Variants in ALK observed in about 807,000 individuals in gnomAD.
ALK encodes the protein ALK tyrosine kinase receptor.
In ALK, 74 loss-of-function variants were observed where a neutral mutation model predicts 163.1. That is an observed-to-expected ratio of 0.45 (90% confidence interval 0.38 to 0.55). The LOEUF is 0.55. Among genes scored for constraint, ALK ranks in the 20% least tolerant of loss-of-function variants. ALK has a pLI of 0.00. For synonymous variants in ALK, 960 were observed against 843.2 expected (o/e 1.14, Z -2.40); for missense variants, 2,063 against 2,105.3 (o/e 0.98, Z 0.39).
At chr2:29,296,166 G>A (rs1666171127) in intron 9 of ALK, among the ~76,000 whole-genome samples, 1 of 152,232 alleles carries the variant, frequency 6.6e-6, no homozygotes, top group African/African-American at 2.4e-5. Context: ...TAAAGGTGAG[G>A]AAACTGAGGC....
intron 4 of ALK, among the ~76,000 whole-genome samples, chr2:29,524,777 T>TA (rs570080798): frequency 8.9e-4 from 135 of 151,480 alleles, no homozygotes; most frequent in Non-Finnish European, 1.6e-3. Context: ...CAATGGATGA[T>TA]AGATGGATTA....
Position 29,268,451 on chromosome 2 carries a change from C to T in ALK, c.2041+6648G>A, listed in dbSNP as rs534049102. On this transcript the variant is annotated intron_variant, in intron 11 of 28. Coordinates refer to ENST00000389048, the MANE Select transcript of ALK (RefSeq NM_004304.5). Reference sequence around the variant, plus strand: ...TGGCTTCATACTGGGCTTATGCAGACGAAGCTTTGGGTAATCATTTTTCAA... The same window carrying T: ...TGGCTTCATACTGGGCTTATGCAGATGAAGCTTTGGGTAATCATTTTTCAA... Among the ~76,000 whole-genome samples the T allele has an allele frequency of 3.5e-4, 53 of 152,266 alleles. No homozygotes were observed. In the South Asian group the frequency reaches 9.3e-3, roughly 27 times the overall value.
intron 3 of ALK, among the ~76,000 whole-genome samples, chr2:29,571,772 G>A (rs777968259): frequency 4.0e-5 from 6 of 151,650 alleles, no homozygotes; most frequent in East Asian, 3.9e-4. Flanking sequence ...GTGCACCACC[G>A]TGCCTAGCTC....
chr2:29,704,458 C>T (rs1448180307), intron 2 of ALK, among the ~76,000 whole-genome samples: 2 of 152,202 alleles, frequency 1.3e-5, no homozygotes, highest in African/African-American at 4.8e-5. Flanking sequence ...TACTAAAATT[C>T]TGTTTCTAAT....
At chr2:29,583,605 G>C (rs986584909) in intron 3 of ALK, among the ~76,000 whole-genome samples, 4 of 150,784 alleles carry the variant, frequency 2.7e-5, no homozygotes, top group African/African-American at 9.7e-5. Flanking sequence ...TCCTGTTCCA[G>C]TTACCATGAG....
At chr2:29,597,595 A>G (rs1347809870) in intron 3 of ALK, among the ~76,000 whole-genome samples, 1 of 152,234 alleles carries the variant, frequency 6.6e-6, no homozygotes, top group East Asian at 1.9e-4. Flanking sequence ...CCTGACAACT[A>G]AGAGGTCTCA....
chr2:29,771,612 G>C (rs899918621), intron 1 of ALK, among the ~76,000 whole-genome samples: 2 of 151,840 alleles, frequency 1.3e-5, no homozygotes, highest in African/African-American at 2.4e-5. Context: ...TCGACTCACT[G>C]TAAGCTCCAC....
chr2:29,909,480 C>CAGACAGAG (rs1553378791), intron 1 of ALK, among the ~76,000 whole-genome samples: 4 of 135,890 alleles, frequency 2.9e-5, no homozygotes, highest in South Asian at 2.6e-4. Flanking sequence ...GACAGACAGA[C>CAGACAGAG]AGAGAGAGAG....
intron 1 of ALK, among the ~76,000 whole-genome samples, chr2:29,757,948 C>T (rs1431994912): frequency 6.6e-6 from 1 of 151,282 alleles, no homozygotes. Flanking sequence ...TCATTCTTTT[C>T]ATGAGGGAAA....
At chr2:29,196,334 C>T (rs1364712970) in intron 28 of ALK, among the ~76,000 whole-genome samples, 1 of 152,216 alleles carries the variant, frequency 6.6e-6, no homozygotes, top group African/African-American at 2.4e-5. Context: ...CTTAATCCTC[C>T]TGACATATAT....
intron 24 of ALK, among the ~76,000 whole-genome samples, chr2:29,211,763 T>C (rs897121368): frequency 8.6e-5 from 9 of 104,782 alleles, no homozygotes; most frequent in African/African-American, 2.5e-4. Context: ...GATGACCAAA[T>C]TGCCCCAGAA....
intron 11 of ALK, 62 bp downstream of exon 11, chr2:29,275,037 T>C (rs2148214878): frequency 6.2e-7 from 1 of 1,607,422 alleles, no homozygotes; most frequent in Non-Finnish European, 8.5e-7. Flanking sequence ...ACAGCACCAA[T>C]CTTTCTTCTG....
chr2:29,203,403 T>G (rs777093598), intron 26 of ALK, among the ~76,000 whole-genome samples: 40 of 139,318 alleles, frequency 2.9e-4, no homozygotes, highest in Non-Finnish European at 5.3e-4. Context: ...ATCTTTTATC[T>G]CTATTATTTT....
At chr2:29,677,214 T>C (rs906018818) in intron 3 of ALK, among the ~76,000 whole-genome samples, 55 of 136,904 alleles carry the variant, frequency 4.0e-4, no homozygotes, top group African/African-American at 1.4e-3. Flanking sequence ...TCCTTCCTCC[T>C]TCCCTCCCTT....
intron 1 of ALK, among the ~76,000 whole-genome samples, chr2:29,860,621 A>G (rs1394934856): frequency 6.6e-6 from 1 of 152,198 alleles, no homozygotes; most frequent in African/African-American, 2.4e-5. Context: ...AGGATAGATC[A>G]TATGCTATGC....
At chr2:29,235,598 G>A (rs758241321) in intron 13 of ALK, among the ~76,000 whole-genome samples, 8 of 152,132 alleles carry the variant, frequency 5.3e-5, no homozygotes, top group Non-Finnish European at 7.3e-5. Flanking sequence ...TGGCACAGGC[G>A]TGAGTTGCAG....
At chr2:29,647,781 T>TTC (rs1485633691) in intron 3 of ALK, among the ~76,000 whole-genome samples, 3 of 147,568 alleles carry the variant, frequency 2.0e-5, no homozygotes, top group Non-Finnish European at 3.0e-5. Flanking sequence ...TTTTCTTTTT[T>TTC]TTTTTTTTTT....
At chr2:29,699,498 A>G (rs2631962) in intron 2 of ALK, among the ~76,000 whole-genome samples, 115,022 of 152,168 alleles carry the variant, frequency 0.76, 43,894 homozygotes, top group Non-Finnish European at 0.82. Flanking sequence ...CAGAATCTCA[A>G]TTTAGGGCTG....
intron 1 of ALK, among the ~76,000 whole-genome samples, chr2:29,787,705 G>A (rs1481050241): frequency 6.6e-6 from 1 of 152,180 alleles, no homozygotes; most frequent in Admixed American, 6.5e-5. Context: ...GCAGATAAGA[G>A]GCTGTAAGAC....
Sources: gnomAD v4.1 joint callset for allele counts (sites outside exome capture counted in the v4.1 genomes callset) on GRCh38, gnomAD v4.1.1 for gene constraint, MANE v1.5 for transcripts, NCBI Gene and HGNC (gene_info 2026-07-23, HGNC 2026-07-21) for gene names.